Variants in SMOC2 observed in about 807,000 individuals in gnomAD.
SMOC2 encodes SPARC-related modular calcium-binding protein 2.
Under a neutral mutation model 61.4 loss-of-function variants are expected in SMOC2, and 39 were observed. The observed-to-expected ratio is 0.64, with a 90% CI of 0.49 to 0.83. SMOC2 has a LOEUF of 0.83. SMOC2 is among the 40% of genes least tolerant of loss of function. SMOC2 has a pLI of 0.00. For missense variants in SMOC2, 556 were observed against 592.9 expected, an observed-to-expected ratio of 0.94 and a Z score of 0.65; for synonymous variants, 247 against 239.9, an observed-to-expected ratio of 1.03 and a Z score of -0.27.
chr6:168,595,699 T>C (rs529657012), intron 7 of SMOC2, among the ~76,000 whole-genome samples: 2 of 152,368 alleles, frequency 1.3e-5, no homozygotes, highest in Non-Finnish European at 2.9e-5. Context: ...ACAGCCCTCA[T>C]CAACCACGAT....
In SMOC2 at chr6:168,544,056, G is replaced by A. The variant is rs1387607271; in HGVS notation, c.511+384G>A. Among the ~76,000 whole-genome samples, 7 of 152,132 alleles carry A rather than the reference G, an allele frequency of 4.6e-5. No individual in the cohort carries two copies. The highest frequency in any genetic ancestry group is 1.0e-4 in the Non-Finnish European group (7 of 68,018). Reference sequence around the variant, plus strand: ...AAGATGCCTCAACTCCTCCCTACAAGGAGGAAGAGGAACAGTTTTTCTACC... The same window carrying A: ...AAGATGCCTCAACTCCTCCCTACAAAGAGGAAGAGGAACAGTTTTTCTACC... On this transcript the variant is annotated intron_variant, in intron 5 of 12. Coordinates refer to ENST00000356284, the MANE Select transcript of SMOC2 (RefSeq NM_001166412.2). The surrounding 1 kb of genome is among the most constrained non-coding windows in gnomAD (Gnocchi z 4.1).
At chr6:168,623,685 C>T (rs553510538) in intron 9 of SMOC2, among the ~76,000 whole-genome samples, 1 of 148,668 alleles carries the variant, frequency 6.7e-6, no homozygotes, top group East Asian at 2.2e-4. Context: ...TGGCTCATGC[C>T]TGTAATCCCA....
At chr6:168,602,505 G>A (rs1044936972) in intron 8 of SMOC2, among the ~76,000 whole-genome samples, 4 of 152,102 alleles carry the variant, frequency 2.6e-5, no homozygotes, top group Admixed American at 6.5e-5. Context: ...CTAATTGGCC[G>A]GAATATCACT....
At chr6:168,664,191 C>A (rs773965075) in intron 12 of SMOC2, 80 bp downstream of exon 12, 51 of 1,127,322 alleles carry the variant, frequency 4.5e-5, no homozygotes, top group Non-Finnish European at 6.3e-5. Context: ...TGTAGATTTG[C>A]AATGGCCAGT....
intron 11 of SMOC2, among the ~76,000 whole-genome samples, chr6:168,658,368 A>C (rs1179973969): frequency 6.6e-6 from 1 of 152,170 alleles, no homozygotes; most frequent in African/African-American, 2.4e-5. Flanking sequence ...ATAATGAGAA[A>C]ATTAAGGATG....
intron 9 of SMOC2, among the ~76,000 whole-genome samples, chr6:168,642,560 C>A (rs966858258): frequency 6.6e-6 from 1 of 152,200 alleles, no homozygotes; most frequent in South Asian, 2.1e-4. Flanking sequence ...GCGTACCTGT[C>A]GTGAGGAAAC....
intron 7 of SMOC2, among the ~76,000 whole-genome samples, chr6:168,565,601 G>T (rs1471216965): frequency 6.6e-6 from 1 of 152,140 alleles, no homozygotes; most frequent in African/African-American, 2.4e-5. Context: ...CATGAATTTT[G>T]AATCCATAAC....
At chr6:168,599,557 CCCA>C in intron 8 of SMOC2, among the ~76,000 whole-genome samples, 1 of 23,552 alleles carries the variant, frequency 4.2e-5, no homozygotes, top group Non-Finnish European at 1.0e-4. Context: ...CACTCATACC[CCCA>C]TACACACCCA....
At chr6:168,662,163 C>T (rs577331872) in intron 11 of SMOC2, among the ~76,000 whole-genome samples, 1 of 152,280 alleles carries the variant, frequency 6.6e-6, no homozygotes, top group African/African-American at 2.4e-5. Flanking sequence ...AAACTATTGA[C>T]CAAGTACTTT....
chr6:168,442,725 T>C (rs542709268), intron 1 of SMOC2, among the ~76,000 whole-genome samples: 139 of 152,376 alleles, frequency 9.1e-4, no homozygotes, highest in Admixed American at 1.5e-3. Context: ...CTTTTTCTTT[T>C]TCTTCGTCTT....
chr6:168,652,285 G>A (rs1008422678), intron 10 of SMOC2, among the ~76,000 whole-genome samples: 13 of 152,190 alleles, frequency 8.5e-5, no homozygotes, highest in African/African-American at 1.7e-4. Flanking sequence ...CAATGGTGTC[G>A]GAGTTCACGG....
intron 1 of SMOC2, among the ~76,000 whole-genome samples, chr6:168,503,651 C>T (rs578240503): frequency 3.9e-5 from 6 of 152,220 alleles, no homozygotes; most frequent in Non-Finnish European, 7.4e-5. Flanking sequence ...AGAGATTGCA[C>T]GGGTGGAAAA....
Position 168,623,952 on chromosome 6 carries a change from C to T in SMOC2, c.907+15713C>T, listed in dbSNP as rs144263908. Among the ~76,000 whole-genome samples the T allele has an allele frequency of 1.8e-4, 28 of 152,276 alleles. No individual in the cohort carries two copies. In the East Asian group the frequency reaches 4.8e-3, roughly 26 times the overall value. On this transcript the variant is annotated intron_variant, in intron 9 of 12. Coordinates refer to ENST00000356284, the MANE Select transcript of SMOC2 (RefSeq NM_001166412.2). Reference sequence around the variant, plus strand: ...AGAGGCGCGCTCACCTGCTGGAGGTCACAGAGCCTGGCGGCTGGGTGGGGC... The same window carrying T: ...AGAGGCGCGCTCACCTGCTGGAGGTTACAGAGCCTGGCGGCTGGGTGGGGC...
intron 7 of SMOC2, among the ~76,000 whole-genome samples, chr6:168,585,323 C>T (rs1785023416): frequency 6.6e-6 from 1 of 152,160 alleles, no homozygotes; most frequent in South Asian, 2.1e-4. Context: ...CCCCTTTGTT[C>T]CTGTCTTTTT....
intron 8 of SMOC2, among the ~76,000 whole-genome samples, chr6:168,600,410 A>AAAAAAAAAAAAC (rs1160902975): frequency 0.012 from 588 of 47,290 alleles, 18 homozygotes; most frequent in Non-Finnish European, 0.022. Context: ...TCTGCCTCAA[A>AAAAAAAAAAAAC]AAAAAAAAAA....
intron 7 of SMOC2, among the ~76,000 whole-genome samples, chr6:168,573,499 C>A (rs1450596767): frequency 6.6e-6 from 1 of 152,164 alleles, no homozygotes; most frequent in Admixed American, 6.5e-5. Context: ...GGCTCCCAGG[C>A]GAGCCTGCTG....
At chr6:168,589,530 A>T (rs1475235519) in intron 7 of SMOC2, among the ~76,000 whole-genome samples, 3 of 152,252 alleles carry the variant, frequency 2.0e-5, no homozygotes, top group Non-Finnish European at 4.4e-5. Flanking sequence ...AACATGGAAA[A>T]GCTGGAAGCT....
intron 6 of SMOC2, among the ~76,000 whole-genome samples, chr6:168,548,063 G>A (rs1784047400): frequency 6.6e-6 from 1 of 152,112 alleles, no homozygotes; most frequent in East Asian, 1.9e-4. Context: ...GGGGTTTAAG[G>A]GCAAAGTGTA....
chr6:168,652,614 G>T (rs1323318566), intron 10 of SMOC2, among the ~76,000 whole-genome samples: 1 of 152,120 alleles, frequency 6.6e-6, no homozygotes, highest in African/African-American at 2.4e-5. Context: ...AAAAGCTCAG[G>T]GTTCTGGTGT....
Sources: allele counts gnomAD v4.1 joint callset (sites outside exome capture counted in the v4.1 genomes callset), GRCh38; gene constraint gnomAD v4.1.1; non-coding constraint Gnocchi (gnomAD v3.1); transcripts MANE v1.5; gene names NCBI Gene and HGNC (gene_info 2026-07-23, HGNC 2026-07-21).